The following SEMA3D variants were observed in gnomAD, a reference collection of about 807,000 sequenced individuals.
The protein encoded by SEMA3D is semaphorin 3D, also known as semaphorin-3D.
A neutral mutation model predicts 100.1 loss-of-function variants in SEMA3D; 84 were observed. The observed-to-expected ratio is 0.84, with a 90% CI of 0.70 to 1.01. SEMA3D has a LOEUF of 1.01. Ranked by LOEUF, SEMA3D falls within the 50% of genes least tolerant of loss-of-function variation. The pLI is 0.00. For synonymous variants in SEMA3D, 312 were observed against 320.7 expected, an observed-to-expected ratio of 0.97 and a Z score of 0.29; for missense variants, 875 against 934.1, an observed-to-expected ratio of 0.94 and a Z score of 0.82.
chr7:85,117,028 C>A (rs1789263183), intron 3 of SEMA3D, among the ~76,000 whole-genome samples: 1 of 152,090 alleles, frequency 6.6e-6, no homozygotes, highest in Non-Finnish European at 1.5e-5. Flanking sequence ...TTGTGCTCTC[C>A]TTTTAAAATT....
chr7:85,204,024 A>C, the SEMA3D span, among the ~76,000 whole-genome samples: 16 of 152,222 alleles, frequency 1.1e-4, no homozygotes, highest in Admixed American at 3.3e-4. Flanking sequence ...AGAAATATTT[A>C]AAAATTACAT....
At chr7:85,237,093 A>C in the SEMA3D span, among the ~76,000 whole-genome samples, 9 of 152,248 alleles carry the variant, frequency 5.9e-5, no homozygotes, top group Admixed American at 3.9e-4. Flanking sequence ...TCATGCACTC[A>C]TAATTAAGGG....
intron 12 of SEMA3D, among the ~76,000 whole-genome samples, chr7:85,023,884 T>A (rs1269692887): frequency 6.6e-6 from 1 of 151,972 alleles, no homozygotes; most frequent in African/African-American, 2.4e-5. Context: ...AAGAATATCT[T>A]TATCTTTAAC....
At chr7:85,134,514 T>C (rs1789805130) in intron 2 of SEMA3D, among the ~76,000 whole-genome samples, 1 of 152,062 alleles carries the variant, frequency 6.6e-6, no homozygotes, top group Non-Finnish European at 1.5e-5. Context: ...TTCCAAGTGA[T>C]AAGTAGATCA....
At chr7:85,142,674 ATTTTT>A (rs58949011) in intron 2 of SEMA3D, 218 of 908,134 alleles carry the variant, frequency 2.4e-4, no homozygotes, top group Non-Finnish European at 2.5e-4. Context: ...GAAGGATGGC[ATTTTT>A]TTTTTTTTTT....
chr7:85,095,189 A>G (rs1381428062), intron 4 of SEMA3D, among the ~76,000 whole-genome samples: 3 of 152,026 alleles, frequency 2.0e-5, no homozygotes, highest in African/African-American at 7.2e-5. Context: ...GAGTAAAGAT[A>G]GTAAAAAGAT....
rs984392608 is a variant in SEMA3D, at chr7:84,999,405, G to A, written c.*35C>T. On this transcript the variant is annotated 3_prime_UTR_variant, in exon 19 of 19. Coordinates refer to ENST00000284136, the MANE Select transcript of SEMA3D (RefSeq NM_001384900.1). ...CAAAACAGAAGGCAATGTTTTTATA[G>A]GTAAGGAATTCTTTTCTTTAAATTA... The A allele has an allele frequency of 1.9e-6, 3 of 1,547,656 alleles. No individual in the cohort carries two copies. Among genetic ancestry groups the A allele is most frequent in the African/African-American group, 1.4e-5 (1 of 73,182 alleles).
chr7:85,121,031 T>G (rs2116401522), intron 3 of SEMA3D, among the ~76,000 whole-genome samples: 1 of 152,286 alleles, frequency 6.6e-6, no homozygotes, highest in South Asian at 2.1e-4. Flanking sequence ...GCCAGCATAA[T>G]TTTTGCCTAT....
chr7:85,164,407 C>A (rs1333294327), intron 1 of SEMA3D, among the ~76,000 whole-genome samples: 1 of 152,094 alleles, frequency 6.6e-6, no homozygotes, highest in Admixed American at 6.6e-5. Context: ...TTCTTAAAAT[C>A]TAAGCAGATA....
chr7:85,025,467 G>A (rs1790366918), intron 12 of SEMA3D, among the ~76,000 whole-genome samples: 1 of 151,948 alleles, frequency 6.6e-6, no homozygotes, highest in Non-Finnish European at 1.5e-5. Flanking sequence ...TGTTTGTCTA[G>A]GGCCTTTAGT....
the SEMA3D span, among the ~76,000 whole-genome samples, chr7:85,211,724 C>T: frequency 6.6e-6 from 1 of 152,034 alleles, no homozygotes; most frequent in Non-Finnish European, 1.5e-5. Flanking sequence ...GACAGCAACA[C>T]CAACCCCTCA....
At chr7:85,037,210 A>G (rs771456082) in intron 11 of SEMA3D, among the ~76,000 whole-genome samples, 177 bp from the exon 12 acceptor site, 3 of 152,214 alleles carry the variant, frequency 2.0e-5, no homozygotes, top group Non-Finnish European at 4.4e-5. Context: ...GCAATTCTAA[A>G]TAAAGTGTAA....
At chr7:85,055,645 CATATATATAT>C (rs56131427) in intron 9 of SEMA3D, 62 bp downstream of exon 9, 3,537 of 159,726 alleles carry the variant, frequency 0.022, 112 homozygotes, top group African/African-American at 0.079. Context: ...TTTTCATATA[CATATATATAT>C]ATATATATAT....
intron 12 of SEMA3D, 127 bp downstream of exon 12, chr7:85,036,762 T>C: frequency 2.8e-6 from 2 of 703,094 alleles, no homozygotes; most frequent in Non-Finnish European, 4.5e-6. Context: ...AAAATGCTAA[T>C]ACTTCACTGC....
chr7:85,096,599 T>A (rs1223387513), intron 4 of SEMA3D, among the ~76,000 whole-genome samples: 1 of 151,860 alleles, frequency 6.6e-6, no homozygotes, highest in Non-Finnish European at 1.5e-5. Context: ...TTATAAGAAA[T>A]AACTCCTTTT....
At chr7:85,089,880 C>T (rs1306224754) in intron 4 of SEMA3D, among the ~76,000 whole-genome samples, 2 of 151,914 alleles carry the variant, frequency 1.3e-5, no homozygotes, top group Admixed American at 6.6e-5. Flanking sequence ...GACAGGAGTG[C>T]GAACCTATCT....
intron 5 of SEMA3D, among the ~76,000 whole-genome samples, chr7:85,079,084 A>T (rs1340470222): frequency 6.6e-6 from 1 of 152,150 alleles, no homozygotes; most frequent in African/African-American, 2.4e-5. Flanking sequence ...TTTGGATTCA[A>T]TCCCCGGCTT....
rs143566052 is a variant in SEMA3D at position 85,178,009 on chromosome 7, T to C, written c.-173+8669A>G. Among the ~76,000 whole-genome samples, 921 of 152,268 alleles carry C rather than the reference T, an allele frequency of 6.0e-3. 14 individuals carry two copies. The highest frequency in any genetic ancestry group is 0.021 in the African/African-American group (870 of 41,550). On this transcript the variant is annotated intron_variant, in intron 1 of 18. Transcript: ENST00000284136. Reference sequence around the variant, plus strand: ...ATAGTGAGTGAGTTCTCATGAGACCTGATGGTATTATAAGGGGCTTTCCCC... The same window carrying C: ...ATAGTGAGTGAGTTCTCATGAGACCCGATGGTATTATAAGGGGCTTTCCCC...
chr7:85,104,005 C>T (rs1387035327), intron 3 of SEMA3D, among the ~76,000 whole-genome samples: 3 of 151,940 alleles, frequency 2.0e-5, no homozygotes, highest in Non-Finnish European at 4.4e-5. Context: ...CTTCATTTGT[C>T]TTTATTAACA....
Sources: gnomAD v4.1 joint callset for allele counts (sites outside exome capture counted in the v4.1 genomes callset) on GRCh38, gnomAD v4.1.1 for gene constraint, MANE v1.5 for transcripts, NCBI Gene and HGNC (gene_info 2026-07-23, HGNC 2026-07-21) for gene names.